PLEKHA8: variants seen among roughly 807,000 people sequenced by gnomAD.
PLEKHA8 encodes the protein pleckstrin homology domain-containing family A member 8.
PLEKHA8 carries 36 observed loss-of-function variants against 68.2 expected under a neutral mutation model. That is an observed-to-expected ratio of 0.53 (90% CI 0.40 to 0.70). PLEKHA8 has a LOEUF of 0.70. Ranked by LOEUF, PLEKHA8 falls within the 30% of genes least tolerant of loss-of-function variation. The pLI is 0.00. For missense variants in PLEKHA8, 505 were observed against 615.4 expected (o/e 0.82, Z 1.90); for synonymous variants, 211 against 216.1 (o/e 0.98, Z 0.20).
chr7:30,047,805 C>G lies in PLEKHA8; in HGVS notation c.314-27C>G, dbSNP rs768710586. 1.4e-5 allele frequency: 22 copies of G among 1,600,192 alleles called. No individual in the cohort carries two copies. In the East Asian group the frequency reaches 5.0e-4, roughly 36 times the overall value. On this transcript the variant is annotated intron_variant, in intron 3 of 13. Coordinates refer to ENST00000449726, the MANE Select transcript of PLEKHA8 (RefSeq NM_001197026.2). ...GTAAATCAGTTGTTTGTTCTGGTTA[C>G]TGCATTATCATCATTTTGTCATTTA...
intron 13 of PLEKHA8, among the ~76,000 whole-genome samples, chr7:30,120,170 CAA>C (rs200775029): frequency 1.5e-5 from 2 of 130,908 alleles, no homozygotes; most frequent in African/African-American, 5.5e-5. Flanking sequence ...AAAAAAAAAA[CAA>C]AAAAAAAAAC....
intron 13 of PLEKHA8, among the ~76,000 whole-genome samples, chr7:30,124,742 T>C (rs1036600800): frequency 2.6e-5 from 4 of 152,188 alleles, no homozygotes; most frequent in Admixed American, 6.5e-5. Flanking sequence ...TTTTCACTTA[T>C]GAAAGAGCAA....
intron 13 of PLEKHA8, among the ~76,000 whole-genome samples, chr7:30,125,800 T>C (rs1378521906): frequency 2.0e-5 from 3 of 152,222 alleles, no homozygotes; most frequent in Non-Finnish European, 2.9e-5. Flanking sequence ...TTATGTCTCA[T>C]AATTGTTATA....
intron 12 of PLEKHA8, among the ~76,000 whole-genome samples, 183 bp from the exon 13 acceptor site, chr7:30,073,888 G>C (rs772482931): frequency 6.6e-6 from 1 of 151,914 alleles, no homozygotes. Context: ...TACTCGTGGA[G>C]CTGAGGCAGG....
chr7:30,076,778 C>T (rs1794631364), intron 13 of PLEKHA8, among the ~76,000 whole-genome samples: 1 of 152,172 alleles, frequency 6.6e-6, no homozygotes, highest in Non-Finnish European at 1.5e-5. Context: ...TATTACTCTC[C>T]AAGTCATGCC....
Position 30,062,672 on chromosome 7 carries a change from A to G in PLEKHA8, c.1230A>G (p.Arg410=), listed in dbSNP as rs747696162. ...TATTTCTTCCTTTATTTTGTTTTAGAGGTCTCAAATTTTTGAAGGGATTTT... is the reference window on the plus strand; with the variant it reads ...TATTTCTTCCTTTATTTTGTTTTAGGGGTCTCAAATTTTTGAAGGGATTTT... ...SATEALLWLK[R]GLKFLKGFLT... Residue 410 remains arginine (R), a splice_region_variant and synonymous_variant, in exon 12 of 14, where the codon AGA becomes AGG. Coordinates refer to ENST00000449726, the MANE Select transcript of PLEKHA8 (RefSeq NM_001197026.2). 10 of 1,607,174 alleles carry G rather than the reference A, an allele frequency of 6.2e-6. No individual in the cohort carries two copies. The East Asian group carries it at 2.2e-4, about 36-fold the overall frequency.
chr7:30,043,809 G>A (rs986672085), intron 1 of PLEKHA8, among the ~76,000 whole-genome samples: 2 of 152,102 alleles, frequency 1.3e-5, no homozygotes, highest in Admixed American at 1.3e-4. Flanking sequence ...TACCATTGGT[G>A]TCCGGCCCAC....
At chr7:30,036,626 T>A (rs1791120151) in intron 1 of PLEKHA8, among the ~76,000 whole-genome samples, 2 of 152,168 alleles carry the variant, frequency 1.3e-5, no homozygotes, top group African/African-American at 4.8e-5. Flanking sequence ...AATATTTAGT[T>A]TGGTAGCTCA....
At chr7:30,087,380 C>T (rs895703326), downstream of PLEKHA8, among the ~76,000 whole-genome samples, 2 of 152,194 alleles carry the variant, frequency 1.3e-5, no homozygotes, top group Non-Finnish European at 2.9e-5. Context: ...GGTCACTCAT[C>T]TAGGCTGTGG....
chr7:30,051,573 C>G (rs1295686394), intron 6 of PLEKHA8, among the ~76,000 whole-genome samples: 1 of 152,070 alleles, frequency 6.6e-6, no homozygotes, highest in Non-Finnish European at 1.5e-5. Flanking sequence ...ATTACCTGTT[C>G]TACTTGCATG....
intron 13 of PLEKHA8, among the ~76,000 whole-genome samples, chr7:30,098,873 T>C (rs945680366): frequency 6.6e-6 from 1 of 152,166 alleles, no homozygotes; most frequent in African/African-American, 2.4e-5. Context: ...GGTACCTCAG[T>C]TGGAAATGCA....
chr7:30,100,574 TTAAA>T (rs1240217232), intron 13 of PLEKHA8, among the ~76,000 whole-genome samples: 2 of 151,870 alleles, frequency 1.3e-5, no homozygotes, highest in South Asian at 2.1e-4. Flanking sequence ...AATTAATTAA[TTAAA>T]TAAATCTTAT....
chr7:30,054,822 G>A lies in PLEKHA8; in HGVS notation c.910G>A (p.Gly304Ser), dbSNP rs779357704. ...SCSPECLWEEGKEVIPTFFST... is the reference protein window; with the variant it reads ...SCSPECLWEESKEVIPTFFST... ...CTCTCCGGAATGCCTCTGGGAGGAA[G>A]GCAAAGAAGTTATCCCAACTTTCTT... is the stretch of plus-strand genomic sequence containing the variant. Residue 304 changes from glycine (G) to serine (S), a missense_variant, in exon 8 of 14, where the codon GGC (glycine) becomes AGC (serine). Physicochemically the swap from Gly to Ser is moderately conservative, Grantham distance 56. Coordinates refer to ENST00000449726, the MANE Select transcript of PLEKHA8 (RefSeq NM_001197026.2). The A allele has an allele frequency of 5.0e-6, 8 of 1,611,378 alleles. No homozygotes were observed. The South Asian group carries it at 5.5e-5, about 11-fold the overall frequency.
chr7:30,044,692 C>T (rs1791810951), intron 1 of PLEKHA8, among the ~76,000 whole-genome samples: 2 of 152,176 alleles, frequency 1.3e-5, no homozygotes, highest in African/African-American at 4.8e-5. Flanking sequence ...CATGTGATAA[C>T]AGTATGTTCA....
intron 13 of PLEKHA8, among the ~76,000 whole-genome samples, chr7:30,074,691 A>G (rs1265280624): frequency 2.0e-5 from 3 of 151,592 alleles, no homozygotes; most frequent in Admixed American, 6.6e-5. Flanking sequence ...TTTTTTCACT[A>G]ATTGAATTTT....
At chr7:30,034,985 A>G (rs1054925250) in intron 1 of PLEKHA8, among the ~76,000 whole-genome samples, 4 of 152,228 alleles carry the variant, frequency 2.6e-5, no homozygotes, top group Non-Finnish European at 5.9e-5. Context: ...TTTAGTGCTT[A>G]CATTTAATTC....
chr7:30,050,711 A>G (rs368330047), intron 6 of PLEKHA8: 5 of 384,768 alleles, frequency 1.3e-5, no homozygotes, highest in African/African-American at 6.2e-5. Context: ...GATCTCACCC[A>G]TCACATCTAG....
At chr7:30,031,545 C>G (rs1473604596) in intron 1 of PLEKHA8, among the ~76,000 whole-genome samples, 5 of 152,082 alleles carry the variant, frequency 3.3e-5, no homozygotes, top group African/African-American at 4.8e-5. Flanking sequence ...GAGGCTCCAA[C>G]AAAGATGCAG....
intron 13 of PLEKHA8, 28 bp downstream of exon 13, chr7:30,074,160 T>C: frequency 6.3e-7 from 1 of 1,591,872 alleles, no homozygotes. Context: ...TCTCCTATTA[T>C]TAACTGTATT....
Sources: gnomAD v4.1 joint callset for allele counts (sites outside exome capture counted in the v4.1 genomes callset) on GRCh38, gnomAD v4.1.1 for gene constraint, MANE v1.5 for transcripts, NCBI Gene and HGNC (gene_info 2026-07-23, HGNC 2026-07-21) for gene names.